Variants in ST8SIA4 observed in about 807,000 individuals in gnomAD.
The protein encoded by ST8SIA4 is ST8 alpha-N-acetyl-neuraminide alpha-2,8-sialyltransferase 4.
A neutral mutation model predicts 33.9 loss-of-function variants in ST8SIA4; 15 were observed. That is an observed-to-expected ratio of 0.44 (90% confidence interval 0.30 to 0.68). ST8SIA4 has a LOEUF of 0.68. Ranked by LOEUF, ST8SIA4 falls within the 30% of genes least tolerant of loss-of-function variation. The pLI is 0.10. For missense variants in ST8SIA4, 321 were observed against 428.0 expected (o/e 0.75, Z 2.21); for synonymous variants, 171 against 151.2 (o/e 1.13, Z -0.96).
intron 4 of ST8SIA4, among the ~76,000 whole-genome samples, chr5:100,812,513 A>AG (rs1488967819): frequency 2.6e-5 from 4 of 152,128 alleles, no homozygotes; most frequent in African/African-American, 7.2e-5. Context: ...TAATCCTCCC[A>AG]GAAAAAAAAG....
rs765508162 is a variant in ST8SIA4 at position 100,811,909 on chromosome 5, A to G, written c.1018T>C (p.Leu340=). 4 of 1,614,032 alleles carry G rather than the reference A, an allele frequency of 2.5e-6. No homozygotes were observed. Among genetic ancestry groups the G allele is most frequent in the Non-Finnish European group, 3.4e-6 (4 of 1,180,014 alleles). ...GCTCCTCTATTATGTAGCACATTTA[A>G]TGTTTTGAATTCTAATGGCATTCTG... ...PHRMPLEFKT[L]NVLHNRGALK... The change falls in exon 5 of 5, where the codon TTA becomes CTA. Residue 340 remains leucine (L), a synonymous_variant. Transcript: ENST00000231461.
chr5:100,888,534 T>C (rs180703984), intron 2 of ST8SIA4, among the ~76,000 whole-genome samples: 2 of 152,110 alleles, frequency 1.3e-5, no homozygotes, highest in South Asian at 2.1e-4. Flanking sequence ...AGCTTGTATT[T>C]TCAAAGTAAT....
Position 100,809,247 on chromosome 5 carries a change from TCAAG to T in ST8SIA4, c.*2596_*2599del, listed in dbSNP as rs1750761502. 1 of 152,028 alleles carries T rather than the reference TCAAG, an allele frequency of 6.6e-6. No homozygotes were observed. The highest frequency in any genetic ancestry group is 2.1e-4 in the South Asian group (1 of 4,812). 9.4% of individuals were successfully genotyped at this position (152,028 alleles called of 1,614,324 possible). A position where few individuals can be genotyped will look rare whatever the true frequency, so the allele number is the denominator to read the frequency against. On this transcript the variant is annotated 3_prime_UTR_variant, in exon 5 of 5. Coordinates refer to ENST00000231461, the MANE Select transcript of ST8SIA4 (RefSeq NM_005668.6). ...GGTGGATAACCTGAGGTCAGGAAGT[TCAAG>T]ACCAGCCTGGCCAACATGGTGAAAC...
At chr5:100,826,960 A>G (rs1028383266) in intron 4 of ST8SIA4, among the ~76,000 whole-genome samples, 5 of 132,238 alleles carry the variant, frequency 3.8e-5, no homozygotes, top group African/African-American at 5.2e-5. Context: ...GTGTGTGTAT[A>G]TACACACACA....
At chr5:100,870,815 C>T (rs1752182694) in intron 3 of ST8SIA4, among the ~76,000 whole-genome samples, 1 of 151,926 alleles carries the variant, frequency 6.6e-6, no homozygotes, top group African/African-American at 2.4e-5. Flanking sequence ...CTACATATAA[C>T]ATAAATTTTG....
chr5:100,892,967 A>G (rs1357976897), intron 2 of ST8SIA4, among the ~76,000 whole-genome samples: 1 of 152,110 alleles, frequency 6.6e-6, no homozygotes, highest in African/African-American at 2.4e-5. Flanking sequence ...ACAAACCTGC[A>G]TGCTCTGCAC....
At chr5:100,824,728 G>A (rs1751102165) in intron 4 of ST8SIA4, among the ~76,000 whole-genome samples, 1 of 151,964 alleles carries the variant, frequency 6.6e-6, no homozygotes, top group Admixed American at 6.6e-5. Context: ...TACACCTAAT[G>A]AGTTCCTCCA....
chr5:100,879,930 A>T (rs1177044578), intron 3 of ST8SIA4, among the ~76,000 whole-genome samples: 1 of 152,134 alleles, frequency 6.6e-6, no homozygotes, highest in East Asian at 1.9e-4. Context: ...GATGAGCTGT[A>T]GTTTTGGAGG....
intron 4 of ST8SIA4, among the ~76,000 whole-genome samples, chr5:100,843,830 C>T (rs1751515598): frequency 6.6e-6 from 1 of 151,882 alleles, no homozygotes; most frequent in Non-Finnish European, 1.5e-5. Flanking sequence ...CCTTATAAAT[C>T]CCTTCTTTTA....
intron 4 of ST8SIA4, among the ~76,000 whole-genome samples, chr5:100,851,703 A>T (rs1220435311): frequency 6.6e-6 from 1 of 152,086 alleles, no homozygotes; most frequent in Non-Finnish European, 1.5e-5. Context: ...AAGGATTCTT[A>T]AGAAATTCTC....
At chr5:100,827,972 A>T (rs1317772488) in intron 4 of ST8SIA4, among the ~76,000 whole-genome samples, 1 of 152,232 alleles carries the variant, frequency 6.6e-6, no homozygotes, top group Non-Finnish European at 1.5e-5. Context: ...AAGTAATTCA[A>T]ATTTCAAACT....
intron 4 of ST8SIA4, among the ~76,000 whole-genome samples, chr5:100,847,078 A>G (rs986268027): frequency 6.6e-6 from 1 of 152,090 alleles, no homozygotes; most frequent in African/African-American, 2.4e-5. Flanking sequence ...AATACCTAAT[A>G]CGCGGCATCT....
chr5:100,896,576 A>G (rs901261743), intron 1 of ST8SIA4, among the ~76,000 whole-genome samples: 2 of 152,138 alleles, frequency 1.3e-5, no homozygotes, highest in Admixed American at 6.5e-5. Context: ...GAGATTTTAA[A>G]TGTTCACACT....
chr5:100,816,462 A>G (rs1337397819), intron 4 of ST8SIA4: 1 of 517,456 alleles, frequency 1.9e-6, no homozygotes, highest in Non-Finnish European at 3.9e-6. Flanking sequence ...ATTTAAATAA[A>G]GAAGTCTAAA....
chr5:100,879,853 C>T (rs1230858093), intron 3 of ST8SIA4, among the ~76,000 whole-genome samples: 1 of 152,086 alleles, frequency 6.6e-6, no homozygotes, highest in African/African-American at 2.4e-5. Flanking sequence ...TCTGCATTTA[C>T]TGTAGGAAGA....
chr5:100,869,530 G>T (rs939180607), intron 3 of ST8SIA4, among the ~76,000 whole-genome samples: 2 of 151,954 alleles, frequency 1.3e-5, no homozygotes, highest in Non-Finnish European at 2.9e-5. Context: ...CTCACTTAGG[G>T]TGCCTTCTCT....
chr5:100,845,772 T>A (rs1400143881), intron 4 of ST8SIA4, among the ~76,000 whole-genome samples: 1 of 152,012 alleles, frequency 6.6e-6, no homozygotes, highest in African/African-American at 2.4e-5. Flanking sequence ...TTTTCCTCTA[T>A]TGAACACCAT....
Position 100,809,721 on chromosome 5 carries a change from G to T in ST8SIA4, c.*2126C>A, listed in dbSNP as rs529466372. On this transcript the variant is annotated 3_prime_UTR_variant, in exon 5 of 5. Coordinates refer to ENST00000231461, the MANE Select transcript of ST8SIA4 (RefSeq NM_005668.6). ...CTTTTCAACTTTACATTCAAAACAT[G>T]TATCTATTCTCTTACAATTTCTGAT... The T allele has an allele frequency of 7.9e-5, 12 of 152,136 alleles. No homozygotes were observed. Among genetic ancestry groups the T allele is most frequent in the African/African-American group, 2.7e-4 (11 of 41,504 alleles). 9.4% of individuals were successfully genotyped at this position (152,136 alleles called of 1,614,324 possible).
intron 2 of ST8SIA4, among the ~76,000 whole-genome samples, chr5:100,892,538 A>G (rs985896809): frequency 5.3e-5 from 8 of 152,134 alleles, no homozygotes; most frequent in Admixed American, 5.2e-4. Flanking sequence ...AAAATAAAAT[A>G]AGGCATATGG....
Sources: gnomAD v4.1 joint callset for allele counts (sites outside exome capture counted in the v4.1 genomes callset) on GRCh38, gnomAD v4.1.1 for gene constraint, MANE v1.5 for transcripts, NCBI Gene and HGNC (gene_info 2026-07-23, HGNC 2026-07-21) for gene names.